ATP11A: variants seen among roughly 807,000 people sequenced by gnomAD.
ATP11A encodes ATPase phospholipid transporting 11A.
Under a neutral mutation model 154.4 loss-of-function variants are expected in ATP11A, and 81 were observed. That is an observed-to-expected ratio of 0.52 (90% confidence interval 0.44 to 0.63). The LOEUF is 0.63. Ranked by LOEUF, ATP11A falls within the 30% of genes least tolerant of loss-of-function variation. The pLI is 0.00. For missense variants in ATP11A, 1,316 were observed against 1,474.3 expected (o/e 0.89, Z 1.76); for synonymous variants, 623 against 585.9 (o/e 1.06, Z -0.91).
chr13:112,853,400 T>A (rs1312818412), intron 18 of ATP11A, among the ~76,000 whole-genome samples: 2 of 152,150 alleles, frequency 1.3e-5, no homozygotes, highest in African/African-American at 4.8e-5. Context: ...AGGAAGTTCT[T>A]CCCAAAACCT....
intron 13 of ATP11A, among the ~76,000 whole-genome samples, chr13:112,832,176 G>T (rs368382358): frequency 2.0e-4 from 30 of 152,208 alleles, no homozygotes; most frequent in African/African-American, 7.2e-4. Flanking sequence ...CCCAAATGCC[G>T]TGGCTCCAGA....
chr13:112,724,102 ATCGCCCCCT>A (rs1208780937), intron 1 of ATP11A, among the ~76,000 whole-genome samples: 147 of 46,074 alleles, frequency 3.2e-3, no homozygotes, highest in African/African-American at 6.6e-3. Context: ...TATCGTCCCC[ATCGCCCCCT>A]TCGCCCCCTT....
chr13:112,768,298 G>A (rs1372075062), intron 1 of ATP11A, among the ~76,000 whole-genome samples: 2 of 152,208 alleles, frequency 1.3e-5, no homozygotes, highest in Admixed American at 6.5e-5. Context: ...CTTCTGCGGC[G>A]TCTTCCTCTG....
chr13:112,789,103 G>A lies in ATP11A; in HGVS notation c.162+3846G>A, dbSNP rs538955218. ...TGTGTAGACCTACTTAATTCACACC[G>A]GGTGTCCTGATGTATAGACCCTTGT... On this transcript the variant is annotated intron_variant, in intron 2 of 29. Coordinates refer to ENST00000375645, the MANE Select transcript of ATP11A (RefSeq NM_015205.3). Among the ~76,000 whole-genome samples, 13 of 151,192 alleles carry A rather than the reference G, an allele frequency of 8.6e-5. No homozygotes were observed. The South Asian group carries it at 1.0e-3, about 12-fold the overall frequency.
Position 112,832,930 on chromosome 13 carries a change from T to C in ATP11A, c.1466T>C (p.Val489Ala), listed in dbSNP as rs1206854756. 6.2e-7 allele frequency: 1 copy of C among 1,613,946 alleles called. No homozygotes were observed. Among genetic ancestry groups the C allele is most frequent in the Non-Finnish European group, 8.5e-7 (1 of 1,179,994 alleles). The change falls in exon 14 of 30, where the codon GTA becomes GCA. Residue 489 changes from valine to alanine, a missense_variant. Physicochemically the swap from Val to Ala is moderately conservative, Grantham distance 64. Transcript: ENST00000375645. The part of the protein sequence containing the change: ...HTVQVKDDDS[V>A]DGPRKSPDGG... The stretch of plus-strand genomic sequence containing the variant: ...GTCCAGGTGAAAGACGATGACAGCG[T>C]AGACGGCCCCAGGAAATCGCCGGAC...
At chr13:112,708,681 G>A (rs898087638) in intron 1 of ATP11A, among the ~76,000 whole-genome samples, 5 of 152,278 alleles carry the variant, frequency 3.3e-5, no homozygotes, top group South Asian at 4.1e-4. Flanking sequence ...ACAGTTTCTC[G>A]GCTTCCCTGG....
At chr13:112,794,644 C>T (rs1457571617) in intron 2 of ATP11A, among the ~76,000 whole-genome samples, 8 of 152,032 alleles carry the variant, frequency 5.3e-5, no homozygotes, top group East Asian at 3.9e-4. Flanking sequence ...CCGAAGCGGG[C>T]GGATCACGAG....
chr13:112,742,451 G>A (rs771041503), intron 1 of ATP11A, among the ~76,000 whole-genome samples: 1 of 152,204 alleles, frequency 6.6e-6, no homozygotes, highest in African/African-American at 2.4e-5. Context: ...CAGGTCGTGT[G>A]TGGGGGGACT....
chr13:112,808,937 G>C (rs543660002), intron 4 of ATP11A, among the ~76,000 whole-genome samples: 3 of 152,172 alleles, frequency 2.0e-5, no homozygotes, highest in Non-Finnish European at 4.4e-5. Context: ...CTCCCTCACC[G>C]CTGGGCATTC....
At chr13:112,755,694 T>C (rs1406780596) in intron 1 of ATP11A, among the ~76,000 whole-genome samples, 1 of 149,960 alleles carries the variant, frequency 6.7e-6, no homozygotes, top group African/African-American at 2.5e-5. Context: ...CCATTTCCGG[T>C]CACGGAACCA....
intron 2 of ATP11A, among the ~76,000 whole-genome samples, chr13:112,789,683 C>T (rs2077783437): frequency 6.6e-6 from 1 of 151,456 alleles, no homozygotes; most frequent in Non-Finnish European, 1.5e-5. Flanking sequence ...ACCGGGTATT[C>T]TGACGTGTAG....
At chr13:112,842,933 T>C (rs1159938591) in intron 17 of ATP11A, among the ~76,000 whole-genome samples, 1 of 152,238 alleles carries the variant, frequency 6.6e-6, no homozygotes, top group Non-Finnish European at 1.5e-5. Context: ...TTGGGGCTGC[T>C]GCGGTAGGGG....
Position 112,819,316 on chromosome 13 carries a change from G to T in ATP11A, c.583G>T (p.Val195Phe). The T allele has an allele frequency of 6.2e-7, 1 of 1,614,214 alleles. No homozygotes were observed. Residue 195 changes from valine to phenylalanine, a missense_variant, in exon 7 of 30, where the codon GTC (valine) becomes TTC (phenylalanine). By Grantham distance (50) the Val-to-Phe change is conservative (BLOSUM62 -1). Transcript: ENST00000375645. ...GESSHKTHYAVQDTKGFHTEE... is the reference protein window; with the variant it reads ...GESSHKTHYAFQDTKGFHTEE... Reference sequence around the variant, plus strand: ...TGTGCATTTGTAGACGCATTACGCGGTCCAGGACACCAAAGGCTTCCACAC... The same window carrying T: ...TGTGCATTTGTAGACGCATTACGCGTTCCAGGACACCAAAGGCTTCCACAC...
intron 17 of ATP11A, among the ~76,000 whole-genome samples, chr13:112,843,237 ACG>A (rs1395043214): frequency 2.0e-5 from 3 of 151,722 alleles, no homozygotes; most frequent in East Asian, 3.9e-4. Context: ...GCTGGGGTGG[ACG>A]CACTCCCTCC....
At chr13:112,730,238 T>G (rs1594452550) in intron 1 of ATP11A, among the ~76,000 whole-genome samples, 1 of 152,192 alleles carries the variant, frequency 6.6e-6, no homozygotes, top group Non-Finnish European at 1.5e-5. Flanking sequence ...TGCCAGGACA[T>G]GGGCAGCCGC....
chr13:112,871,831 C>A, intron 26 of ATP11A, 31 bp downstream of exon 26: 1 of 1,600,916 alleles, frequency 6.2e-7, no homozygotes, highest in South Asian at 1.1e-5. Flanking sequence ...GTTCCTCCCC[C>A]AGCCACAGTG....
In ATP11A at chr13:112,696,869, G is replaced by T. The variant is rs1297913064; in HGVS notation, c.39+6414G>T. On this transcript the variant is annotated intron_variant, in intron 1 of 29. Coordinates refer to ENST00000375645, the MANE Select transcript of ATP11A (RefSeq NM_015205.3). The surrounding 1 kb of genome is among the most constrained non-coding windows in gnomAD (Gnocchi z 6.2). ...ACAGAGACCCAAGTCCCATCCCTCT[G>T]GGGCCCCCTTGGAATGGGGGAGGCG... 1 of 152,320 alleles carries T rather than the reference G, an allele frequency of 6.6e-6. No homozygotes were observed. Among genetic ancestry groups the T allele is most frequent in the Non-Finnish European group, 1.5e-5 (1 of 68,170 alleles). The allele number at this position is 152,320 out of a possible 1,614,324, so 9.4% of individuals were successfully genotyped here.
Position 112,699,772 on chromosome 13 carries a change from G to A in ATP11A, c.39+9317G>A, listed in dbSNP as rs1315700875. Among the ~76,000 whole-genome samples the A allele has an allele frequency of 2.0e-5, 3 of 152,190 alleles. No homozygotes were observed. In the East Asian group the frequency reaches 5.8e-4, roughly 29 times the overall value. ...TGGGCCCCTGTGCAGCCTCCTGCCG[G>A]GGAGCCTGTGTCCCACCTGGCTCTG... On this transcript the variant is annotated intron_variant, in intron 1 of 29. Transcript: ENST00000375645.
At chr13:112,694,073 T>C (rs1327845354) in intron 1 of ATP11A, among the ~76,000 whole-genome samples, 1 of 152,246 alleles carries the variant, frequency 6.6e-6, no homozygotes, top group Non-Finnish European at 1.5e-5. Context: ...CAGGGCAGCC[T>C]CAGCGGGTAG....
Sources: gnomAD v4.1 joint callset for allele counts (sites outside exome capture counted in the v4.1 genomes callset) on GRCh38, gnomAD v4.1.1 for gene constraint, Gnocchi (gnomAD v3.1) non-coding constraint, MANE v1.5 for transcripts, NCBI Gene and HGNC (gene_info 2026-07-23, HGNC 2026-07-21) for gene names.